SPATA9: variants seen among roughly 807,000 people sequenced by gnomAD.
SPATA9 encodes spermatogenesis-associated protein 9.
A neutral mutation model predicts 25.5 loss-of-function variants in SPATA9; 27 were observed. The observed-to-expected ratio is 1.06, with a 90% CI of 0.78 to 1.46. The LOEUF (loss-of-function observed/expected upper bound fraction) is 1.46, where lower values mean the gene tolerates loss of function less well. SPATA9 is among the 40% of genes most tolerant of loss of function. SPATA9 has a pLI of 0.00. For synonymous variants in SPATA9, 102 were observed against 105.7 expected, an observed-to-expected ratio of 0.97 and a Z score of 0.21; for missense variants, 282 against 297.5, an observed-to-expected ratio of 0.95 and a Z score of 0.38.
intron 1 of SPATA9, among the ~76,000 whole-genome samples, chr5:95,692,241 T>C (rs1038564419): frequency 2.0e-5 from 3 of 152,172 alleles, no homozygotes; most frequent in Non-Finnish European, 4.4e-5. Flanking sequence ...AATTTCTTTT[T>C]CTTTCTTAAA....
intron 3 of SPATA9, among the ~76,000 whole-genome samples, chr5:95,667,925 C>G (rs995482063): frequency 7.9e-5 from 12 of 152,114 alleles, no homozygotes; most frequent in Non-Finnish European, 1.8e-4. Flanking sequence ...TGTATGGCCT[C>G]TCCCACCTCT....
downstream of SPATA9, among the ~76,000 whole-genome samples, chr5:95,653,852 C>G (rs1023707079): frequency 3.3e-5 from 5 of 152,094 alleles, no homozygotes; most frequent in Admixed American, 2.0e-4. Flanking sequence ...GAGCTGAGAT[C>G]GTGCTACTGC....
downstream of SPATA9, chr5:95,652,267 T>A: frequency 6.5e-7 from 1 of 1,550,016 alleles, no homozygotes. Context: ...CCACCTGACC[T>A]CTAAATGTTG....
At chr5:95,731,773 C>G in the SPATA9 span, 3 of 1,602,964 alleles carry the variant, frequency 1.9e-6, no homozygotes, top group Non-Finnish European at 2.6e-6. Flanking sequence ...CCTCGCCGCG[C>G]GCTGTCCCCC....
chr5:95,709,140 A>G, the SPATA9 span, among the ~76,000 whole-genome samples: 1 of 152,142 alleles, frequency 6.6e-6, no homozygotes, highest in Non-Finnish European at 1.5e-5. Flanking sequence ...GAACTTTTTA[A>G]TAAACACTAG....
chr5:95,659,753 CCTT>C (rs1164344792), intron 4 of SPATA9: 14 of 152,290 alleles, frequency 9.2e-5, no homozygotes, highest in Admixed American at 2.0e-4. Context: ...CCTCCTGCCT[CCTT>C]CTTGCCTGCC....
At chr5:95,667,710 A>G (rs1369046661) in intron 3 of SPATA9, among the ~76,000 whole-genome samples, 1 of 152,176 alleles carries the variant, frequency 6.6e-6, no homozygotes, top group Non-Finnish European at 1.5e-5. Context: ...TTGGTAGGCC[A>G]TATACAATAA....
At position 95,662,586 on chromosome 5, in the gene SPATA9, CATT is replaced by C. The variant is rs1471843653; in HGVS notation, c.474+1364_474+1366del. On this transcript the variant is annotated intron_variant, in intron 4 of 4. Coordinates refer to ENST00000274432, the MANE Select transcript of SPATA9 (RefSeq NM_031952.4). ...GGCTAAGAATTTCTTCCTTAAAAGA[CATT>C]ATTAAAAGAATGAAAAGGCAAGTCA... is the stretch of plus-strand genomic sequence containing the variant. 2.0e-5 allele frequency among the ~76,000 whole-genome samples: 3 copies of C among 151,868 alleles called. No homozygotes were observed. In the East Asian group the frequency reaches 5.8e-4, roughly 29 times the overall value.
At chr5:95,720,557 T>C in the SPATA9 span, among the ~76,000 whole-genome samples, 2 of 152,152 alleles carry the variant, frequency 1.3e-5, no homozygotes, top group Non-Finnish European at 2.9e-5. Context: ...AACAGACTGT[T>C]CCATTTCAAG....
the SPATA9 span, among the ~76,000 whole-genome samples, chr5:95,707,093 T>G: frequency 1.3e-5 from 2 of 152,234 alleles, no homozygotes. Flanking sequence ...TAGTGAATCT[T>G]AGAATTCTTA....
At chr5:95,731,718 C>G in the SPATA9 span, 9 of 1,612,918 alleles carry the variant, frequency 5.6e-6, no homozygotes, top group African/African-American at 1.3e-5. Context: ...CATTGTCTCT[C>G]TCCAGCGCGT....
chr5:95,683,836 C>T (rs1053499557), upstream of SPATA9, among the ~76,000 whole-genome samples: 1 of 152,140 alleles, frequency 6.6e-6, no homozygotes, highest in South Asian at 2.1e-4. Context: ...CACGCCCGGC[C>T]GACAGCCTAG....
At chr5:95,725,268 AATG>A in the SPATA9 span, among the ~76,000 whole-genome samples, 3 of 152,250 alleles carry the variant, frequency 2.0e-5, no homozygotes, top group Non-Finnish European at 4.4e-5. Context: ...GAATCTTACA[AATG>A]ATGATGAATA....
upstream of SPATA9, chr5:95,684,682 T>G (rs190095317): frequency 6.6e-6 from 1 of 152,320 alleles, no homozygotes; most frequent in East Asian, 1.9e-4. Context: ...CATTATGACC[T>G]TATAATATTT....
At chr5:95,705,358 G>A in the SPATA9 span, among the ~76,000 whole-genome samples, 2 of 152,124 alleles carry the variant, frequency 1.3e-5, no homozygotes, top group Admixed American at 1.3e-4. Context: ...GAATTTTGGA[G>A]GGGACACCAT....
the SPATA9 span, among the ~76,000 whole-genome samples, chr5:95,723,865 T>C: frequency 1.3e-5 from 2 of 152,154 alleles, no homozygotes; most frequent in Non-Finnish European, 2.9e-5. Flanking sequence ...GTCTCTGAAC[T>C]TTTTTGACCG....
chr5:95,722,883 A>G, the SPATA9 span, among the ~76,000 whole-genome samples: 1 of 152,264 alleles, frequency 6.6e-6, no homozygotes, highest in Non-Finnish European at 1.5e-5. Flanking sequence ...GAAAAATACT[A>G]GTAGAAACAG....
chr5:95,653,282 G>T (rs2112509325), intron 8 of SPATA9: 1 of 1,543,538 alleles, frequency 6.5e-7, no homozygotes, highest in East Asian at 2.4e-5. Context: ...GGTTGTGCCT[G>T]TAAGAGCCAA....
chr5:95,685,739 T>C (rs1753726046), upstream of SPATA9, among the ~76,000 whole-genome samples: 1 of 152,202 alleles, frequency 6.6e-6, no homozygotes, highest in Admixed American at 6.5e-5. Flanking sequence ...AACAATCCTA[T>C]GAATTAGGAA....
Sources: allele counts gnomAD v4.1 joint callset (sites outside exome capture counted in the v4.1 genomes callset), GRCh38; gene constraint gnomAD v4.1.1; transcripts MANE v1.5; gene names NCBI Gene and HGNC (gene_info 2026-07-23, HGNC 2026-07-21).